The following NAPEPLD variants were observed in gnomAD, a reference collection of about 807,000 sequenced individuals.
The protein encoded by NAPEPLD is N-acyl-phosphatidylethanolamine-hydrolyzing phospholipase D.
NAPEPLD carries 23 observed loss-of-function variants against 38.1 expected under a neutral mutation model. That is an observed-to-expected ratio of 0.60 (90% CI 0.43 to 0.86). The LOEUF is 0.86. NAPEPLD is among the 40% of genes least tolerant of loss of function. The pLI is 0.00. For synonymous variants in NAPEPLD, 147 were observed against 162.0 expected, an observed-to-expected ratio of 0.91 and a Z score of 0.71; for missense variants, 411 against 476.8, an observed-to-expected ratio of 0.86 and a Z score of 1.28.
Position 103,099,796 on chromosome 7 carries a change from C to CT in NAPEPLD, c.*3632dup, listed in dbSNP as rs546919510. The stretch of plus-strand genomic sequence containing the variant: ...ATACATATTTTTTCCCTTGACAGTA[C>CT]TTTATTAATTTTCATCCATATTTTA... On this transcript the variant is annotated 3_prime_UTR_variant, in exon 5 of 5. Transcript: ENST00000465647. 2.6e-5 allele frequency: 4 copies of CT among 151,862 alleles called. No homozygotes were observed. The highest frequency in any genetic ancestry group is 9.7e-5 in the African/African-American group (4 of 41,412). The allele number at this position is 151,862 out of a possible 1,614,324, so 9.4% of individuals were successfully genotyped here.
chr7:103,106,350 CT>C (rs761558673), intron 4 of NAPEPLD, among the ~76,000 whole-genome samples: 337 of 144,892 alleles, frequency 2.3e-3, no homozygotes, highest in African/African-American at 3.8e-3. Context: ...GCTGCGGGAG[CT>C]TTTTTTTTTT....
rs138020205 is a variant in NAPEPLD, at chr7:103,137,422, G to T, written c.-16-8630C>A. Among the ~76,000 whole-genome samples the T allele has an allele frequency of 6.1e-3, 931 of 152,116 alleles. 10 individuals carry two copies. Among genetic ancestry groups the T allele is most frequent in the African/African-American group, 0.021 (872 of 41,466 alleles). On this transcript the variant is annotated intron_variant, in intron 1 of 4. Coordinates refer to ENST00000465647, the MANE Select transcript of NAPEPLD (RefSeq NM_001122838.3). ...TAGAATCAAAAAGAATGAAACAAGA[G>T]AAACAGCTGGCTTAAGAACAAAGCC... is the stretch of plus-strand genomic sequence containing the variant.
At chr7:103,133,490 A>G (rs1809409368) in intron 1 of NAPEPLD, among the ~76,000 whole-genome samples, 1 of 152,236 alleles carries the variant, frequency 6.6e-6, no homozygotes, top group African/African-American at 2.4e-5. Context: ...CGCTCTGCCA[A>G]CAGGTGCTCC....
intron 3 of NAPEPLD, among the ~76,000 whole-genome samples, chr7:103,117,217 T>A (rs543228119): frequency 1.3e-5 from 2 of 152,340 alleles, no homozygotes; most frequent in South Asian, 4.1e-4. Context: ...GCAACAGATA[T>A]TTACTGTTAG....
chr7:103,119,514 T>C (rs925045664), intron 3 of NAPEPLD, 63 bp downstream of exon 3: 5 of 1,519,204 alleles, frequency 3.3e-6, no homozygotes, highest in Non-Finnish European at 4.4e-6. Context: ...TCATAATTGC[T>C]TTACTTTTAA....
At chr7:103,107,238 C>T (rs1803555263) in intron 4 of NAPEPLD, among the ~76,000 whole-genome samples, 1 of 152,038 alleles carries the variant, frequency 6.6e-6, no homozygotes, top group Non-Finnish European at 1.5e-5. Context: ...ATAGAGCCCA[C>T]CTGAAGGTCA....
intron 2 of NAPEPLD, chr7:103,128,195 G>T: frequency 2.5e-6 from 1 of 403,216 alleles, no homozygotes; most frequent in South Asian, 5.5e-5. Flanking sequence ...AGGCCCAGCT[G>T]AAATATTCAC....
intron 1 of NAPEPLD, among the ~76,000 whole-genome samples, chr7:103,137,025 C>T (rs1380386601): frequency 1.3e-5 from 2 of 152,106 alleles, no homozygotes; most frequent in Admixed American, 1.3e-4. Context: ...CTGCAACCTC[C>T]ACCTCCCAGA....
chr7:103,122,271 GTACACATGCATGCATGTGCACACACACA>G (rs1563357020), intron 2 of NAPEPLD, among the ~76,000 whole-genome samples: 1 of 151,824 alleles, frequency 6.6e-6, no homozygotes, highest in African/African-American at 2.4e-5. Context: ...ACACACACAC[GTACACATGCATGCATGTGCACACACACA>G]TACACACAGA....
upstream of NAPEPLD, chr7:103,149,363 T>C (rs1813270628): frequency 4.3e-6 from 5 of 1,160,410 alleles, no homozygotes; most frequent in African/African-American, 1.7e-5. Flanking sequence ...CGCCGCCGCG[T>C]AGCGGGAGGG....
chr7:103,115,050 T>A lies in NAPEPLD; in HGVS notation c.1056+10A>T. The A allele has an allele frequency of 1.3e-6, 2 of 1,598,740 alleles. No homozygotes were observed. Among genetic ancestry groups the A allele is most frequent in the Non-Finnish European group, 1.7e-6 (2 of 1,168,258 alleles). On this transcript the variant is annotated intron_variant, in intron 4 of 4. Coordinates refer to ENST00000465647, the MANE Select transcript of NAPEPLD (RefSeq NM_001122838.3). ...ACACACAAAGTTATTTTTATCGCAA[T>A]CAAACTTACCTCATTTGCTAAGGCA...
intron 1 of NAPEPLD, among the ~76,000 whole-genome samples, chr7:103,147,192 T>A (rs1005347520): frequency 1.3e-5 from 2 of 152,260 alleles, no homozygotes; most frequent in African/African-American, 4.8e-5. Context: ...GTATAGGCGT[T>A]AGAATGAAAT....
chr7:103,148,982 C>G lies in NAPEPLD; in HGVS notation c.-188G>C. 1 of 985,402 alleles carries G rather than the reference C, an allele frequency of 1.0e-6. No homozygotes were observed. Among genetic ancestry groups the G allele is most frequent in the African/African-American group, 1.7e-5 (1 of 57,350 alleles). 61.0% of individuals were successfully genotyped at this position (985,402 alleles called of 1,614,324 possible). A position where few individuals can be genotyped will look rare whatever the true frequency, so the allele number is the denominator to read the frequency against. On this transcript the variant is annotated 5_prime_UTR_variant, in exon 1 of 5. Transcript: ENST00000465647. ...GCGAGGTGCGAAAATTCAAATGAAG[C>G]CCTGTCGCTCACAAGTGCGGCATCT...
chr7:103,105,290 A>G (rs1310275679), intron 4 of NAPEPLD, among the ~76,000 whole-genome samples: 1 of 152,028 alleles, frequency 6.6e-6, no homozygotes, highest in South Asian at 2.1e-4. Flanking sequence ...AAAGCAGAAG[A>G]CTCCGAGCAT....
chr7:103,107,327 C>CCATA (rs1055137281), intron 4 of NAPEPLD, among the ~76,000 whole-genome samples: 1 of 152,066 alleles, frequency 6.6e-6, no homozygotes, highest in African/African-American at 2.4e-5. Context: ...ACTCCAAAAA[C>CCATA]CATAACACTT....
chr7:103,126,468 T>C (rs1807814839), intron 2 of NAPEPLD, among the ~76,000 whole-genome samples: 1 of 152,222 alleles, frequency 6.6e-6, no homozygotes, highest in Admixed American at 6.5e-5. Flanking sequence ...AAAGTTAGGC[T>C]TGCTCTTTAG....
intron 4 of NAPEPLD, among the ~76,000 whole-genome samples, chr7:103,113,639 TTTTTTTC>T (rs1804989770): frequency 3.3e-5 from 1 of 30,710 alleles, no homozygotes; most frequent in Non-Finnish European, 2.6e-4. Flanking sequence ...TTTTTTTTTT[TTTTTTTC>T]TCAAGACAGA....
chr7:103,127,459 G>C (rs1194931488), intron 2 of NAPEPLD: 1 of 152,112 alleles, frequency 6.6e-6, no homozygotes, highest in Admixed American at 6.6e-5. Flanking sequence ...CTGAAAATAT[G>C]CTCCACCAAA....
intron 1 of NAPEPLD, among the ~76,000 whole-genome samples, chr7:103,147,014 T>A (rs1246340490): frequency 6.6e-6 from 1 of 152,240 alleles, no homozygotes; most frequent in Admixed American, 6.5e-5. Flanking sequence ...CAGCTGAGGT[T>A]GCAGAAGACT....
Sources: allele counts gnomAD v4.1 joint callset (sites outside exome capture counted in the v4.1 genomes callset), GRCh38; gene constraint gnomAD v4.1.1; transcripts MANE v1.5; gene names NCBI Gene and HGNC (gene_info 2026-07-23, HGNC 2026-07-21).